Variants in DCLK2 observed in about 807,000 individuals in gnomAD.
The protein encoded by DCLK2 is doublecortin like kinase 2, also known as serine/threonine-protein kinase DCLK2.
A neutral mutation model predicts 78.4 loss-of-function variants in DCLK2; 31 were observed. The observed-to-expected ratio is 0.40, with a 90% CI of 0.30 to 0.53. The LOEUF (loss-of-function observed/expected upper bound fraction) is 0.53, where lower values mean the gene tolerates loss of function less well. DCLK2 is among the 20% of genes least tolerant of loss of function. The pLI, the probability that DCLK2 is intolerant of heterozygous loss-of-function variation, is 0.61. For synonymous variants in DCLK2, 407 were observed against 374.9 expected (o/e 1.09, Z -0.99); for missense variants, 872 against 973.7 (o/e 0.90, Z 1.39).
intron 5 of DCLK2, among the ~76,000 whole-genome samples, chr4:150,212,325 C>T (rs895656863): frequency 2.0e-5 from 3 of 152,222 alleles, no homozygotes; most frequent in African/African-American, 7.2e-5. Context: ...CTCATCCTGA[C>T]TGGCAGAGCT....
intron 5 of DCLK2, among the ~76,000 whole-genome samples, chr4:150,212,068 A>T (rs188237958): frequency 6.6e-6 from 1 of 152,328 alleles, no homozygotes; most frequent in East Asian, 1.9e-4. Context: ...GTCACAGCAC[A>T]TCTGTGGACA....
chr4:150,221,674 C>A lies in DCLK2; in HGVS notation c.1133-3C>A. 6.3e-7 allele frequency: 1 copy of A among 1,579,948 alleles called. No individual in the cohort carries two copies. ...TTAGAATTTGCATTTATCCTTTTTG[C>A]AGGTGTGAATGGAAACAGATGCTCT... On this transcript the variant is annotated splice_polypyrimidine_tract_variant and splice_region_variant and intron_variant, in intron 6 of 15. Coordinates refer to ENST00000296550, the MANE Select transcript of DCLK2 (RefSeq NM_001040260.4).
At chr4:150,220,606 C>A (rs1413398277) in intron 5 of DCLK2, 97 bp from the exon 6 acceptor site, 5 of 1,001,078 alleles carry the variant, frequency 5.0e-6, no homozygotes, top group Non-Finnish European at 6.1e-6. Flanking sequence ...TTCTGTGACA[C>A]ATTTTTACAT....
chr4:150,180,742 G>A (rs1450962208), intron 2 of DCLK2, among the ~76,000 whole-genome samples: 1 of 152,034 alleles, frequency 6.6e-6, no homozygotes, highest in East Asian at 1.9e-4. Context: ...TCTCCCCCAG[G>A]CAGGCCACGG....
At chr4:150,153,769 A>G (rs1735065126) in intron 2 of DCLK2, among the ~76,000 whole-genome samples, 1 of 152,000 alleles carries the variant, frequency 6.6e-6, no homozygotes, top group Non-Finnish European at 1.5e-5. Flanking sequence ...TTCAGAAAAC[A>G]AGCACAAACT....
chr4:150,106,989 G>C (rs1165729836), intron 2 of DCLK2, among the ~76,000 whole-genome samples: 2 of 152,076 alleles, frequency 1.3e-5, no homozygotes, highest in African/African-American at 2.4e-5. Flanking sequence ...ACCAGGGACA[G>C]TTTTGTCCCT....
chr4:150,114,124 AT>A (rs530274860), intron 2 of DCLK2, among the ~76,000 whole-genome samples: 8 of 151,328 alleles, frequency 5.3e-5, no homozygotes, highest in East Asian at 1.9e-4. Flanking sequence ...AGTAATTTTG[AT>A]TTTTTTTTAA....
intron 1 of DCLK2, among the ~76,000 whole-genome samples, chr4:150,095,312 G>A (rs976951041): frequency 6.6e-6 from 1 of 152,078 alleles, no homozygotes; most frequent in African/African-American, 2.4e-5. Flanking sequence ...TGATTTTACC[G>A]CCTATGAAGG....
chr4:150,190,444 T>C (rs1406982431), intron 2 of DCLK2, among the ~76,000 whole-genome samples: 1 of 152,064 alleles, frequency 6.6e-6, no homozygotes, highest in African/African-American at 2.4e-5. Flanking sequence ...ATATTATATA[T>C]CCATACCATG....
intron 2 of DCLK2, among the ~76,000 whole-genome samples, chr4:150,172,101 G>A (rs1248107506): frequency 6.6e-6 from 1 of 152,242 alleles, no homozygotes; most frequent in East Asian, 1.9e-4. Context: ...CTTTGTACAC[G>A]GTAGTTATTG....
At chr4:150,126,252 G>A (rs1452085175) in intron 2 of DCLK2, among the ~76,000 whole-genome samples, 1 of 152,164 alleles carries the variant, frequency 6.6e-6, no homozygotes, top group Non-Finnish European at 1.5e-5. Flanking sequence ...ATTATTTTGT[G>A]CCTATTCTAT....
Position 150,159,575 on chromosome 4 carries a change from T to C in DCLK2, c.757-33563T>C, listed in dbSNP as rs1415716863. 3.3e-5 allele frequency among the ~76,000 whole-genome samples: 5 copies of C among 152,218 alleles called. No individual in the cohort carries two copies. The East Asian group carries it at 7.7e-4, about 23-fold the overall frequency. ...AAAGCTGAGAGTGTGGGCTTCTCTTTATGAAGGTAAAGCTGTAACATTTGA... is the reference window on the plus strand; with the variant it reads ...AAAGCTGAGAGTGTGGGCTTCTCTTCATGAAGGTAAAGCTGTAACATTTGA... On this transcript the variant is annotated intron_variant, in intron 2 of 15. Transcript: ENST00000296550.
chr4:150,253,586 GC>G (rs751638005), intron 15 of DCLK2: 59 of 1,289,034 alleles, frequency 4.6e-5, no homozygotes, highest in Non-Finnish European at 5.6e-5. Context: ...CGACCAGCGC[GC>G]CCCATCCTCA....
At chr4:150,227,513 G>A (rs1741707942) in intron 8 of DCLK2, among the ~76,000 whole-genome samples, 1 of 152,160 alleles carries the variant, frequency 6.6e-6, no homozygotes, top group South Asian at 2.1e-4. Context: ...TCAGTAGGCA[G>A]CAATCAAAGA....
At chr4:150,157,225 T>C (rs570344929) in intron 2 of DCLK2, among the ~76,000 whole-genome samples, 1 of 151,888 alleles carries the variant, frequency 6.6e-6, no homozygotes, top group East Asian at 1.9e-4. Context: ...AAATGAGTTA[T>C]ATTTATTACT....
intron 12 of DCLK2, among the ~76,000 whole-genome samples, chr4:150,242,396 CAA>C (rs535900640): frequency 2.1e-4 from 32 of 152,270 alleles, no homozygotes; most frequent in African/African-American, 7.7e-4. Context: ...GGTCTTCCAC[CAA>C]AGTCATTAAC....
intron 8 of DCLK2, among the ~76,000 whole-genome samples, chr4:150,230,587 A>G (rs1401733312): frequency 6.6e-6 from 1 of 152,240 alleles, no homozygotes. Flanking sequence ...GTGCTTGCTT[A>G]TACATGTTCA....
intron 1 of DCLK2, among the ~76,000 whole-genome samples, chr4:150,095,583 G>A (rs1043314460): frequency 2.0e-5 from 3 of 152,182 alleles, no homozygotes; most frequent in African/African-American, 7.2e-5. Context: ...CTATGAACAT[G>A]TGTGTGTATA....
intron 2 of DCLK2, among the ~76,000 whole-genome samples, chr4:150,182,366 A>G (rs1054461254): frequency 2.6e-5 from 4 of 152,172 alleles, no homozygotes; most frequent in African/African-American, 9.7e-5. Flanking sequence ...ATTTGAAGCA[A>G]AACTTTTATC....
Sources: gnomAD v4.1 joint callset for allele counts (sites outside exome capture counted in the v4.1 genomes callset) on GRCh38, gnomAD v4.1.1 for gene constraint, MANE v1.5 for transcripts, NCBI Gene and HGNC (gene_info 2026-07-23, HGNC 2026-07-21) for gene names.